Variants in MYO5B observed in about 807,000 individuals in gnomAD.
MYO5B encodes myosin VB, also known as unconventional myosin-Vb.
In MYO5B, 143 loss-of-function variants were observed where a neutral mutation model predicts 229.3. The observed-to-expected ratio is 0.62, with a 90% CI of 0.54 to 0.72. MYO5B has a LOEUF of 0.72. Among genes scored for constraint, MYO5B ranks in the 30% least tolerant of loss-of-function variants. MYO5B has a pLI of 0.00. For synonymous variants in MYO5B, 918 were observed against 885.2 expected (o/e 1.04, Z -0.66); for missense variants, 2,321 against 2,331.0 (o/e 1.00, Z 0.09).
At position 49,864,251 on chromosome 18, in the gene MYO5B, T is replaced by C; in HGVS notation, c.3733A>G (p.Asn1245Asp). 6.2e-7 allele frequency: 1 copy of C among 1,614,170 alleles called. No homozygotes were observed. ...GSPDSYSLLL[N>D]QLKLAHEELE... Reference sequence around the variant, plus strand: ...TCCTCGTGGGCCAGCTTGAGCTGGTTCAGCAGGAGGCTGTAGCTATCTGGG... The same window carrying C: ...TCCTCGTGGGCCAGCTTGAGCTGGTCCAGCAGGAGGCTGTAGCTATCTGGG... Residue 1245 changes from asparagine (N) to aspartate (D), a missense_variant, in exon 28 of 40, where the codon AAC becomes GAC. By Grantham distance (23) the Asn-to-Asp change is conservative. Coordinates refer to ENST00000285039, the MANE Select transcript of MYO5B (RefSeq NM_001080467.3).
At chr18:50,192,633 AAAG>A (rs549997607) in intron 1 of MYO5B, among the ~76,000 whole-genome samples, 150 of 152,318 alleles carry the variant, frequency 9.8e-4, no homozygotes, top group African/African-American at 3.3e-3. Context: ...CATTCCTCTC[AAAG>A]AAGAGCAATT....
At position 49,864,414 on chromosome 18, in the gene MYO5B, C is replaced by G. The variant is rs770870199; in HGVS notation, c.3604-34G>C. On this transcript the variant is annotated intron_variant, in intron 27 of 39. Transcript: ENST00000285039. ...CAGCCCAAGGGCCGCTGCCATTACT[C>G]CCTGCCCTAGGGCTCTCTCCCTGTG... is the stretch of plus-strand genomic sequence containing the variant. The G allele has an allele frequency of 8.1e-6, 13 of 1,610,404 alleles. No homozygotes were observed. In the South Asian group the frequency reaches 9.9e-5, roughly 12 times the overall value.
At chr18:49,962,466 C>T (rs938678244) in intron 11 of MYO5B, 60 bp from the exon 12 acceptor site, 67 of 1,610,634 alleles carry the variant, frequency 4.2e-5, no homozygotes, top group Non-Finnish European at 5.6e-5. Context: ...ATTCACCTCC[C>T]CCAGGGGCTC....
At chr18:50,157,446 C>A (rs1259468200) in intron 1 of MYO5B, among the ~76,000 whole-genome samples, 3 of 152,144 alleles carry the variant, frequency 2.0e-5, no homozygotes, top group Non-Finnish European at 4.4e-5. Context: ...TCTTTCCAAC[C>A]TCTCTCAAAC....
chr18:50,107,412 C>T (rs1003932727), intron 1 of MYO5B, among the ~76,000 whole-genome samples: 1 of 152,008 alleles, frequency 6.6e-6, no homozygotes, highest in Admixed American at 6.5e-5. Flanking sequence ...AAATGAGGAG[C>T]TCAGATAAGA....
chr18:49,996,331 T>A (rs749137243), intron 5 of MYO5B, among the ~76,000 whole-genome samples: 2 of 152,214 alleles, frequency 1.3e-5, no homozygotes, highest in South Asian at 4.1e-4. Flanking sequence ...AGGTGTTACT[T>A]AGAGAAATTC....
chr18:49,915,341 GC>G (rs1183320982), intron 17 of MYO5B, among the ~76,000 whole-genome samples: 1 of 152,126 alleles, frequency 6.6e-6, no homozygotes. Context: ...TTGTCTCTAT[GC>G]CCATTCCCTC....
chr18:50,063,357 C>T (rs1364800774), intron 1 of MYO5B, among the ~76,000 whole-genome samples: 1 of 152,170 alleles, frequency 6.6e-6, no homozygotes, highest in African/African-American at 2.4e-5. Flanking sequence ...ATGTAAATAT[C>T]CCATTTGCCC....
At position 50,029,254 on chromosome 18, in the gene MYO5B, A is replaced by C. The variant is rs563796764; in HGVS notation, c.455+7596T>G. On this transcript the variant is annotated intron_variant, in intron 4 of 39. Coordinates refer to ENST00000285039, the MANE Select transcript of MYO5B (RefSeq NM_001080467.3). ...GTGTGCACTGGCATGGCTGTGCAGG[A>C]GGTCACAGAACGAGAGACCCAGGTG... 2.0e-5 allele frequency among the ~76,000 whole-genome samples: 3 copies of C among 152,282 alleles called. No individual in the cohort carries two copies. In the East Asian group the frequency reaches 5.8e-4, roughly 29 times the overall value.
Position 50,194,873 on chromosome 18 carries a change from A to C in MYO5B, c.-80T>G. On this transcript the variant is annotated 5_prime_UTR_variant, in exon 1 of 40. An upstream start codon of the reference 5' UTR is lost. Transcript: ENST00000285039. Reference sequence around the variant, plus strand: ...GTCCGCGGCTGGCCCGCCTGGCGCCATGTTCCCGGGCTGGCCTGGAGTTTC... The same window carrying C: ...GTCCGCGGCTGGCCCGCCTGGCGCCCTGTTCCCGGGCTGGCCTGGAGTTTC... 1 of 1,238,906 alleles carries C rather than the reference A, an allele frequency of 8.1e-7. No homozygotes were observed. The highest frequency in any genetic ancestry group is 1.0e-6 in the Non-Finnish European group (1 of 993,566). 76.7% of individuals were successfully genotyped at this position (1,238,906 alleles called of 1,614,324 possible). A position where few individuals can be genotyped will look rare whatever the true frequency, so the allele number is the denominator to read the frequency against.
intron 24 of MYO5B, 85 bp from the exon 25 acceptor site, chr18:49,877,967 T>C: frequency 6.6e-7 from 1 of 1,520,588 alleles, no homozygotes; most frequent in Non-Finnish European, 9.1e-7. Flanking sequence ...CCTAGAGTTA[T>C]CCTTCTGCCT....
At chr18:50,162,923 G>A (rs745585938) in intron 1 of MYO5B, among the ~76,000 whole-genome samples, 6 of 152,120 alleles carry the variant, frequency 3.9e-5, no homozygotes, top group South Asian at 2.1e-4. Context: ...CAAGCTACTC[G>A]GAGCCACACC....
rs2033284429 is a variant in MYO5B, at chr18:50,195,041, G to A, written c.-248C>T. ...GGAGTTGCGAGCGCCGGGGGAGGAG[G>A]CCGCGCCGCACCACTCCCCTCCCAG... On this transcript the variant is annotated 5_prime_UTR_variant, in exon 1 of 40. Coordinates refer to ENST00000285039, the MANE Select transcript of MYO5B (RefSeq NM_001080467.3). 8.1e-6 allele frequency: 3 copies of A among 368,586 alleles called. No homozygotes were observed. Among genetic ancestry groups the A allele is most frequent in the Non-Finnish European group, 9.3e-6 (2 of 215,390 alleles). The allele number at this position is 368,586 out of a possible 1,614,324, so 22.8% of individuals were successfully genotyped here. A position where few individuals can be genotyped will look rare whatever the true frequency, so the allele number is the denominator to read the frequency against.
chr18:49,829,077 T>C (rs902204352), intron 39 of MYO5B, among the ~76,000 whole-genome samples: 2 of 110,452 alleles, frequency 1.8e-5, no homozygotes, highest in Non-Finnish European at 3.5e-5. Context: ...GTTCAAAAAA[T>C]TGACAATTTT....
chr18:50,194,295 C>T (rs1048022034), intron 1 of MYO5B, among the ~76,000 whole-genome samples: 5 of 152,178 alleles, frequency 3.3e-5, no homozygotes, highest in Non-Finnish European at 5.9e-5. Flanking sequence ...GAGGAAAGGA[C>T]GCCTCGGAGG....
rs76762047 is a variant in MYO5B at position 50,163,310 on chromosome 18, G to A, written c.27+31457C>T. Among the ~76,000 whole-genome samples, 1,242 of 152,282 alleles carry A rather than the reference G, an allele frequency of 8.2e-3. 17 individuals carry two copies. Among genetic ancestry groups the A allele is most frequent in the African/African-American group, 0.028 (1,176 of 41,552 alleles). ...AGAACTTGCAGTGGGGAGAGAGCTC[G>A]GCTCGTTCATGTCAGGGTGGTACCC... On this transcript the variant is annotated intron_variant, in intron 1 of 39. Transcript: ENST00000285039.
intron 22 of MYO5B, among the ~76,000 whole-genome samples, chr18:49,888,308 G>A (rs1282176108): frequency 2.0e-5 from 3 of 152,086 alleles, no homozygotes; most frequent in Non-Finnish European, 4.4e-5. Flanking sequence ...TCCAGGCACT[G>A]CCATACGTCC....
At chr18:49,904,564 T>C (rs982491678) in intron 20 of MYO5B, 108 bp downstream of exon 20, 1 of 1,380,834 alleles carries the variant, frequency 7.2e-7, no homozygotes, top group Non-Finnish European at 1.0e-6. Flanking sequence ...TGAAAGCATT[T>C]AGAAAAAAGT....
Position 49,936,497 on chromosome 18 carries a change from G to A in MYO5B, c.1906-148C>T, listed in dbSNP as rs149974373. ...AAGAAATTTCAGAGACCTGGGGTAA[G>A]ATTCCAGCTCTGACACTGCTATCTT... On this transcript the variant is annotated intron_variant, in intron 15 of 39. Coordinates refer to ENST00000285039, the MANE Select transcript of MYO5B (RefSeq NM_001080467.3). 1.3e-3 allele frequency: 923 copies of A among 720,550 alleles called. 11 individuals carry two copies. In the East Asian group the frequency reaches 0.02, roughly 15 times the overall value. The allele number at this position is 720,550 out of a possible 1,614,324, so 44.6% of individuals were successfully genotyped here. A position where few individuals can be genotyped will look rare whatever the true frequency, so the allele number is the denominator to read the frequency against.
Sources: gnomAD v4.1 joint callset for allele counts (sites outside exome capture counted in the v4.1 genomes callset) on GRCh38, gnomAD v4.1.1 for gene constraint, MANE v1.5 for transcripts, NCBI Gene and HGNC (gene_info 2026-07-23, HGNC 2026-07-21) for gene names.